The following THRB variants were observed in gnomAD, a reference collection of about 807,000 sequenced individuals.
THRB encodes nuclear receptor subfamily 1 group A member 2.
In THRB, 12 loss-of-function variants were observed where a neutral mutation model predicts 47.8. That is an observed-to-expected ratio of 0.25 (90% CI 0.16 to 0.41). The LOEUF (loss-of-function observed/expected upper bound fraction) is 0.41, where lower values mean the gene tolerates loss of function less well. THRB is among the 10% of genes least tolerant of loss of function. The pLI, the probability that THRB is intolerant of heterozygous loss-of-function variation, is 1.00. For synonymous variants in THRB, 218 were observed against 212.2 expected, an observed-to-expected ratio of 1.03 and a Z score of -0.24; for missense variants, 348 against 589.2, an observed-to-expected ratio of 0.59 and a Z score of 4.24.
chr3:24,204,180 T>G (rs559757250), intron 4 of THRB, among the ~76,000 whole-genome samples: 3 of 152,358 alleles, frequency 2.0e-5, no homozygotes, highest in South Asian at 2.1e-4. Flanking sequence ...TGGAGTTTGA[T>G]ATCTGAAAAC....
At chr3:24,449,409 G>A (rs1035565851) in intron 1 of THRB, among the ~76,000 whole-genome samples, 2 of 152,184 alleles carry the variant, frequency 1.3e-5, no homozygotes, top group Non-Finnish European at 2.9e-5. Flanking sequence ...TGGGCATTTT[G>A]AGAGGAAATT....
chr3:24,176,156 C>T (rs944130550), intron 5 of THRB, among the ~76,000 whole-genome samples: 1 of 151,992 alleles, frequency 6.6e-6, no homozygotes, highest in African/African-American at 2.4e-5. Flanking sequence ...AAAAAATGCT[C>T]TTCGATATTT....
intron 1 of THRB, among the ~76,000 whole-genome samples, chr3:24,371,670 T>A (rs1325150554): frequency 6.6e-6 from 1 of 152,058 alleles, no homozygotes; most frequent in Non-Finnish European, 1.5e-5. Context: ...GCTCCTCATG[T>A]GTGTTGTCAT....
intron 2 of THRB, among the ~76,000 whole-genome samples, chr3:24,302,107 A>G (rs1040210497): frequency 2.6e-5 from 4 of 152,232 alleles, no homozygotes; most frequent in African/African-American, 9.6e-5. Context: ...ATAGCAAATC[A>G]ATACATGTTT....
chr3:24,340,879 G>C (rs982333096), intron 1 of THRB, among the ~76,000 whole-genome samples: 3 of 151,938 alleles, frequency 2.0e-5, no homozygotes, highest in African/African-American at 7.3e-5. Context: ...ATATATCTTG[G>C]GTAGGTAAAG....
At chr3:24,365,372 G>T (rs73043760) in intron 1 of THRB, among the ~76,000 whole-genome samples, 2,022 of 152,242 alleles carry the variant, frequency 0.013, 21 homozygotes, top group South Asian at 0.034. Context: ...AGAATCTCCA[G>T]CCAACTTCGT....
At chr3:24,301,053 G>A (rs1222852303) in intron 2 of THRB, among the ~76,000 whole-genome samples, 2 of 152,232 alleles carry the variant, frequency 1.3e-5, no homozygotes, top group South Asian at 2.1e-4. Context: ...GAAGCGGTGA[G>A]GGCCAGGTAA....
chr3:24,436,786 C>T (rs1244340275), intron 1 of THRB, among the ~76,000 whole-genome samples: 1 of 152,152 alleles, frequency 6.6e-6, no homozygotes, highest in Non-Finnish European at 1.5e-5. Flanking sequence ...GAGCACTTCT[C>T]ATTTACCAGG....
At chr3:24,382,325 G>C (rs1413393788) in intron 1 of THRB, among the ~76,000 whole-genome samples, 14 of 152,036 alleles carry the variant, frequency 9.2e-5, no homozygotes, top group Admixed American at 9.2e-4. Context: ...CATCTATGCA[G>C]GTGACTGTAT....
upstream of THRB, chr3:24,495,082 G>C (rs954510845): frequency 2.0e-5 from 3 of 152,258 alleles, no homozygotes; most frequent in Non-Finnish European, 4.4e-5. Context: ...GCCTCTCCGG[G>C]TCCCCCGCGT....
At chr3:24,437,575 T>C (rs999059646) in intron 1 of THRB, among the ~76,000 whole-genome samples, 1 of 152,156 alleles carries the variant, frequency 6.6e-6, no homozygotes, top group Non-Finnish European at 1.5e-5. Context: ...ATGGATATAC[T>C]AATCACCCTG....
At chr3:24,464,433 C>T (rs929176871) in intron 1 of THRB, among the ~76,000 whole-genome samples, 2 of 151,922 alleles carry the variant, frequency 1.3e-5, no homozygotes, top group East Asian at 3.9e-4. Flanking sequence ...ATGAATATTG[C>T]CATTTTAGCT....
At chr3:24,152,114 T>G (rs55954645) in intron 6 of THRB, among the ~76,000 whole-genome samples, 1,869 of 152,292 alleles carry the variant, frequency 0.012, 32 homozygotes, top group African/African-American at 0.042. Context: ...ATTAATTTCT[T>G]TTTATTTTAT....
At chr3:24,128,472 TGTTA>T (rs1173297725) in intron 9 of THRB, among the ~76,000 whole-genome samples, 3 of 152,228 alleles carry the variant, frequency 2.0e-5, no homozygotes, top group Admixed American at 6.5e-5. Context: ...TTGGTTACCC[TGTTA>T]GTTAAGATTT....
intron 2 of THRB, among the ~76,000 whole-genome samples, chr3:24,298,458 G>A (rs139970229): frequency 0.012 from 1,763 of 152,300 alleles, 20 homozygotes; most frequent in Non-Finnish European, 0.02. Context: ...ATATAATTAA[G>A]AGGCCAATAG....
rs552332329 is a variant in THRB at position 24,118,522 on chromosome 3, T to TG, written c.*4361dup. 1.3e-5 allele frequency: 2 copies of TG among 152,498 alleles called. No individual in the cohort carries two copies. The highest frequency in any genetic ancestry group is 2.4e-5 in the African/African-American group (1 of 41,382). The allele number at this position is 152,498 out of a possible 1,614,324, so 9.4% of individuals were successfully genotyped here. A position where few individuals can be genotyped will look rare whatever the true frequency, so the allele number is the denominator to read the frequency against. On this transcript the variant is annotated 3_prime_UTR_variant, in exon 11 of 11. Coordinates refer to ENST00000646209, the MANE Select transcript of THRB (RefSeq NM_001354712.2). ...TGATTCTCAGGGCATGAAAACATTA[T>TG]GGGAAAAAAAAGGATTTTCTACGAA...
At chr3:24,361,028 T>C (rs111255379) in intron 1 of THRB, among the ~76,000 whole-genome samples, 3,148 of 152,162 alleles carry the variant, frequency 0.021, 43 homozygotes, top group African/African-American at 0.039. Flanking sequence ...ATGGAGAAAT[T>C]TGGGCAGAGG....
At chr3:24,153,697 C>G (rs1344942110) in intron 5 of THRB, among the ~76,000 whole-genome samples, 4 of 152,128 alleles carry the variant, frequency 2.6e-5, no homozygotes, top group Non-Finnish European at 4.4e-5. Context: ...ATTCTCCCCT[C>G]TATCAATGGT....
At chr3:24,424,248 G>A (rs1015248742) in intron 1 of THRB, among the ~76,000 whole-genome samples, 1 of 151,682 alleles carries the variant, frequency 6.6e-6, no homozygotes, top group Non-Finnish European at 1.5e-5. Context: ...GCGGACATCA[G>A]GCAACAGGAT....
Sources: allele counts gnomAD v4.1 joint callset (sites outside exome capture counted in the v4.1 genomes callset), GRCh38; gene constraint gnomAD v4.1.1; transcripts MANE v1.5; gene names NCBI Gene and HGNC (gene_info 2026-07-23, HGNC 2026-07-21).